The following EPHB1 variants were observed in gnomAD, a reference collection of about 807,000 sequenced individuals.
The protein encoded by EPHB1 is EPH receptor B1.
Under a neutral mutation model 94.4 loss-of-function variants are expected in EPHB1, and 30 were observed. The ratio of observed to expected loss-of-function variants is 0.32; its 90% CI spans 0.24 to 0.43. EPHB1 has a LOEUF of 0.43. Ranked by LOEUF, EPHB1 falls within the 20% of genes least tolerant of loss-of-function variation. The pLI is 1.00. For synonymous variants in EPHB1, 522 were observed against 489.1 expected (o/e 1.07, Z -0.89); for missense variants, 1,055 against 1,308.3 (o/e 0.81, Z 2.99).
At chr3:135,044,039 C>T (rs907381815) in intron 3 of EPHB1, among the ~76,000 whole-genome samples, 3 of 152,186 alleles carry the variant, frequency 2.0e-5, no homozygotes, top group African/African-American at 7.2e-5. Context: ...TAATCAATTC[C>T]AGAACCATAC....
chr3:135,079,056 T>C (rs906561254), intron 3 of EPHB1, among the ~76,000 whole-genome samples: 3 of 150,678 alleles, frequency 2.0e-5, no homozygotes, highest in African/African-American at 7.4e-5. Flanking sequence ...TAGGAGTGTA[T>C]CAGAAATCAT....
At chr3:135,061,852 G>GT (rs1937515628) in intron 3 of EPHB1, among the ~76,000 whole-genome samples, 1 of 152,046 alleles carries the variant, frequency 6.6e-6, no homozygotes, top group Non-Finnish European at 1.5e-5. Context: ...GCGGTGTTTG[G>GT]TTTTTTGTCC....
At chr3:134,945,882 T>A (rs1433948450) in intron 2 of EPHB1, among the ~76,000 whole-genome samples, 1 of 152,180 alleles carries the variant, frequency 6.6e-6, no homozygotes, top group Non-Finnish European at 1.5e-5. Context: ...AATTTGGCCC[T>A]GAATAGGAAA....
At chr3:134,874,535 GA>G (rs1487645718) in intron 1 of EPHB1, among the ~76,000 whole-genome samples, 8 of 152,200 alleles carry the variant, frequency 5.3e-5, no homozygotes, top group African/African-American at 1.7e-4. Context: ...ATATTCACTT[GA>G]AATATCGGCA....
At chr3:134,854,923 T>C (rs2108301229) in intron 1 of EPHB1, among the ~76,000 whole-genome samples, 1 of 150,856 alleles carries the variant, frequency 6.6e-6, no homozygotes, top group East Asian at 2.0e-4. Context: ...AAGAAAAAAA[T>C]GAAGTGAATT....
chr3:134,884,413 A>G (rs899572954), intron 1 of EPHB1, among the ~76,000 whole-genome samples: 1 of 152,222 alleles, frequency 6.6e-6, no homozygotes, highest in African/African-American at 2.4e-5. Context: ...AAATGAGTAC[A>G]ACTTTCTTTT....
chr3:135,009,178 C>A (rs1236412178), intron 3 of EPHB1, among the ~76,000 whole-genome samples: 1 of 152,166 alleles, frequency 6.6e-6, no homozygotes, highest in African/African-American at 2.4e-5. Context: ...AGGTTTGAGG[C>A]CCTCTGATGC....
At chr3:135,160,645 A>G (rs936386959) in intron 6 of EPHB1, among the ~76,000 whole-genome samples, 9 of 152,146 alleles carry the variant, frequency 5.9e-5, no homozygotes, top group African/African-American at 1.9e-4. Context: ...GTTCATGCAT[A>G]CCTGCAGATA....
chr3:134,920,879 C>T (rs763991923), intron 1 of EPHB1, among the ~76,000 whole-genome samples: 13 of 152,094 alleles, frequency 8.5e-5, no homozygotes, highest in Middle Eastern at 3.4e-3. Flanking sequence ...ACTGAAGCCT[C>T]TACAGGGAAG....
intron 1 of EPHB1, among the ~76,000 whole-genome samples, chr3:134,859,813 A>C (rs1261129538): frequency 6.6e-6 from 1 of 152,112 alleles, no homozygotes; most frequent in Non-Finnish European, 1.5e-5. Flanking sequence ...AAATTGTATA[A>C]ATTTCTAGGT....
At chr3:135,007,351 C>A (rs970299728) in intron 3 of EPHB1, among the ~76,000 whole-genome samples, 1 of 152,086 alleles carries the variant, frequency 6.6e-6, no homozygotes, top group African/African-American at 2.4e-5. Context: ...GTCTCCAGCC[C>A]CTAATCTTAG....
rs187584 is a variant in EPHB1, at chr3:134,996,882, T to G, written c.805+44830T>G. On this transcript the variant is annotated intron_variant, in intron 3 of 15. Transcript: ENST00000398015. Reference sequence around the variant, plus strand: ...ATGTATATTTCATTTCTTTTGAGTGTCATAATTTGTTTTAGGCCTGTAGTT... The same window carrying G: ...ATGTATATTTCATTTCTTTTGAGTGGCATAATTTGTTTTAGGCCTGTAGTT... Among the ~76,000 whole-genome samples, 506 of 152,244 alleles carry G rather than the reference T, an allele frequency of 3.3e-3. 3 individuals carry two copies. The highest frequency in any genetic ancestry group is 0.012 in the African/African-American group (484 of 41,528).
At chr3:134,847,265 T>C (rs544138465) in intron 1 of EPHB1, among the ~76,000 whole-genome samples, 2 of 152,184 alleles carry the variant, frequency 1.3e-5, no homozygotes, top group African/African-American at 2.4e-5. Flanking sequence ...CGGCTTCAGA[T>C]GTAGCCACTC....
intron 3 of EPHB1, among the ~76,000 whole-genome samples, chr3:135,002,592 C>G (rs1200944582): frequency 6.6e-6 from 1 of 151,738 alleles, no homozygotes; most frequent in Non-Finnish European, 1.5e-5. Flanking sequence ...TGGTCCTGGA[C>G]TCTTTTTGGT....
chr3:135,245,513 C>CAAAAAAAAAAAAAAAAAAAAA (rs57521935), intron 13 of EPHB1, among the ~76,000 whole-genome samples: 1 of 124,046 alleles, frequency 8.1e-6, no homozygotes, highest in African/African-American at 3.4e-5. Flanking sequence ...GAACAGTCTT[C>CAAAAAAAAAAAAAAAAAAAAA]AAAAAAAAAA....
intron 1 of EPHB1, among the ~76,000 whole-genome samples, chr3:134,885,935 A>T (rs755830832): frequency 4.6e-5 from 7 of 152,216 alleles, no homozygotes; most frequent in Middle Eastern, 3.2e-3. Context: ...GAGCTGGCCA[A>T]CAAAGAACCC....
At chr3:134,863,152 A>C (rs12108179) in intron 1 of EPHB1, among the ~76,000 whole-genome samples, 152,077 of 152,318 alleles carry the variant, frequency 1, 75,918 homozygotes, top group Middle Eastern at 1. Context: ...TCTGCCACAG[A>C]GGTTTCCTAG....
intron 3 of EPHB1, among the ~76,000 whole-genome samples, chr3:135,015,062 C>T (rs11720128): frequency 0.36 from 55,101 of 151,898 alleles, 10,731 homozygotes; most frequent in Non-Finnish European, 0.44. Flanking sequence ...GTGTATGGCA[C>T]CCCAGCCTCA....
chr3:135,183,983 G>T (rs542423824), intron 10 of EPHB1, among the ~76,000 whole-genome samples: 3 of 152,308 alleles, frequency 2.0e-5, no homozygotes, highest in Admixed American at 1.3e-4. Context: ...GGAAACAATC[G>T]CTAAAACCTT....
Sources: gnomAD v4.1 joint callset for allele counts (sites outside exome capture counted in the v4.1 genomes callset) on GRCh38, gnomAD v4.1.1 for gene constraint, MANE v1.5 for transcripts, NCBI Gene and HGNC (gene_info 2026-07-23, HGNC 2026-07-21) for gene names.